Variants in TRIM6 observed in about 807,000 individuals in gnomAD.
The protein encoded by TRIM6 is tripartite motif containing 6, also known as tripartite motif-containing protein 6.
In TRIM6, 43 loss-of-function variants were observed where a neutral mutation model predicts 51.2. The ratio of observed to expected loss-of-function variants is 0.84; its 90% CI spans 0.66 to 1.08. The LOEUF (loss-of-function observed/expected upper bound fraction) is 1.08. Ranked by LOEUF, TRIM6 falls within the 50% of genes least tolerant of loss-of-function variation. The pLI is 0.00. For synonymous variants in TRIM6, 215 were observed against 232.4 expected (o/e 0.93, Z 0.68); for missense variants, 669 against 619.0 (o/e 1.08, Z -0.86).
Position 5,610,561 on chromosome 11 carries a change from G to A in TRIM6, c.985G>A (p.Val329Ile), listed in dbSNP as rs777575623. The change falls in exon 7 of 8, where the codon GTT (valine) becomes ATT (isoleucine). Residue 329 changes from valine to isoleucine, a missense_variant and splice_region_variant. By Grantham distance (29) the Val-to-Ile change is conservative. Transcript: ENST00000380097. ...GCTGACAGATGTCCAAAGCTACTGG[G>A]GTAAGTAGAAGCCATGGCCTCTTTG... ...RELTDVQSYW[V>I]DVTLNPHTAN... is the part of the protein sequence containing the mutation. The A allele has an allele frequency of 6.2e-7, 1 of 1,613,128 alleles. No homozygotes were observed. The highest frequency in any genetic ancestry group is 8.5e-7 in the Non-Finnish European group (1 of 1,179,512).
At chr11:5,608,129 C>A (rs80031403) in intron 4 of TRIM6, among the ~76,000 whole-genome samples, 4,799 of 152,298 alleles carry the variant, frequency 0.032, 115 homozygotes, top group Middle Eastern at 0.13. Flanking sequence ...ACATTACACA[C>A]ACATATGCAC....
chr11:5,603,467 G>C lies in TRIM6; in HGVS notation c.239G>C (p.Gly80Ala). ...AGGGAATCAGTGATTGGTCAAGAAG[G>C]GGAAAGAAGCTGCCCTGTGTGCCAG... ...NGRESVIGQE[G>A]ERSCPVCQTS... Residue 80 changes from glycine (G) to alanine (A), a missense_variant, in exon 2 of 8, where the codon GGG becomes GCG. By Grantham distance (60) the Gly-to-Ala change is moderately conservative (BLOSUM62 0). Transcript: ENST00000380097. 2 of 1,614,148 alleles carry C rather than the reference G, an allele frequency of 1.2e-6. No individual in the cohort carries two copies. The highest frequency in any genetic ancestry group is 1.1e-5 in the South Asian group (1 of 91,078).
rs1445993930 is a variant in TRIM6, at chr11:5,611,571, A to C, written c.*229A>C. 1 of 454,554 alleles carries C rather than the reference A, an allele frequency of 2.2e-6. No individual in the cohort carries two copies. Among genetic ancestry groups the C allele is most frequent in the African/African-American group, 2.0e-5 (1 of 50,908 alleles). 28.2% of individuals were successfully genotyped at this position (454,554 alleles called of 1,614,324 possible). The stretch of plus-strand genomic sequence containing the variant: ...TGGGTTCAAGCGAACCTCCTGCCTC[A>C]GCATCCCAAGTAGCTGGGATTACAG... On this transcript the variant is annotated 3_prime_UTR_variant, in exon 8 of 8. Transcript: ENST00000380097.
intron 1 of TRIM6, among the ~76,000 whole-genome samples, chr11:5,601,619 A>G (rs375498452): frequency 6.6e-6 from 1 of 152,236 alleles, no homozygotes; most frequent in African/African-American, 2.4e-5. Flanking sequence ...TTAGCTGGGC[A>G]TGGTGGCGCT....
rs1364256046 is a variant in TRIM6 at position 5,610,512 on chromosome 11, A to G, written c.959-23A>G. ...GAGACAGTTGGTCCTATTCAACATT[A>G]TTGACTCTTTTCATCATTACAGAGC... On this transcript the variant is annotated intron_variant, in intron 6 of 7. Transcript: ENST00000380097. 5 of 1,614,002 alleles carry G rather than the reference A, an allele frequency of 3.1e-6. No individual in the cohort carries two copies. In the African/African-American group the frequency reaches 4.0e-5, roughly 13 times the overall value.
In TRIM6 at chr11:5,602,032, C is replaced by T. The variant is rs549490468; in HGVS notation, c.18-1214C>T. ...CATCCAAAGTTGAGGACCTATATGT[C>T]AGGCTCTATGCTAGCTGCCGAAGAT... On this transcript the variant is annotated intron_variant, in intron 1 of 7. Transcript: ENST00000380097. 1.8e-4 allele frequency among the ~76,000 whole-genome samples: 27 copies of T among 152,272 alleles called. 1 individual carries two copies. Among genetic ancestry groups the T allele is most frequent in the South Asian group, 1.0e-3 (5 of 4,826 alleles).
In TRIM6 at chr11:5,596,745, C is replaced by A. The variant is rs919881139; in HGVS notation, c.-153C>A. The A allele has an allele frequency of 5.8e-6, 7 of 1,199,036 alleles. No individual in the cohort carries two copies. Among genetic ancestry groups the A allele is most frequent in the African/African-American group, 4.6e-5 (3 of 65,608 alleles). 74.3% of individuals were successfully genotyped at this position (1,199,036 alleles called of 1,614,324 possible). On this transcript the variant is annotated 5_prime_UTR_variant, in exon 1 of 8. Transcript: ENST00000380097. The stretch of plus-strand genomic sequence containing the variant: ...ATCCCCTGCCTTTCTCGGAACGGAA[C>A]GGAGCAGAGTCGTGCGTGGTTGAGT...
At position 5,608,338 on chromosome 11, in the gene TRIM6, A is replaced by C. The variant is rs753975402; in HGVS notation, c.835-34A>C. 1.1e-5 allele frequency: 17 copies of C among 1,612,354 alleles called. No homozygotes were observed. The South Asian group carries it at 1.9e-4, about 18-fold the overall frequency. On this transcript the variant is annotated intron_variant, in intron 4 of 7. Transcript: ENST00000380097. ...AATGTGGATAAGGGCATGACCTGTT[A>C]CTCCTTGACTTAACCTGTCTTTTTC... is the stretch of plus-strand genomic sequence containing the variant.
chr11:5,596,522 C>CCCCCCTTCCCCCGTTCTCCCCTT (rs1847461532), upstream of TRIM6: 2 of 29,278 alleles, frequency 6.8e-5, no homozygotes, highest in African/African-American at 2.1e-4. Context: ...TTCTCCCCTT[C>CCCCCCTTCCCCCGTTCTCCCCTT]CCCCCTTCCC....
At chr11:5,604,236 A>G (rs1848065035) in intron 2 of TRIM6, among the ~76,000 whole-genome samples, 1 of 151,374 alleles carries the variant, frequency 6.6e-6, no homozygotes, top group Non-Finnish European at 1.5e-5. Flanking sequence ...CTGATCTCAA[A>G]CTCCTGAGCT....
At position 5,604,518 on chromosome 11, in the gene TRIM6, A is replaced by G. The variant is rs1848086059; in HGVS notation, c.508-16A>G. On this transcript the variant is annotated splice_polypyrimidine_tract_variant and intron_variant, in intron 2 of 7. Transcript: ENST00000380097. ...TGAAGGCTTGATCCTGCTTGACCTG[A>G]TTTGTTTTCTTCAAGGAGAAGTTTC... is the stretch of plus-strand genomic sequence containing the variant. 3 of 1,607,220 alleles carry G rather than the reference A, an allele frequency of 1.9e-6. No individual in the cohort carries two copies. The highest frequency in any genetic ancestry group is 2.5e-6 in the Non-Finnish European group (3 of 1,177,148).
rs1371091829 is a variant in TRIM6 at position 5,605,567 on chromosome 11, G to A, written c.834G>A (p.Gln278=). Residue 278 remains glutamine (Q), a splice_region_variant and synonymous_variant, in exon 4 of 8, where the codon CAG becomes CAA. Transcript: ENST00000380097. Reference sequence around the variant, plus strand: ...AGGGGTCAACAATGGAGCTGCTGCAGGTAAGGCTTGTGAAGGAGCCCAGAT... The same window carrying A: ...AGGGGTCAACAATGGAGCTGCTGCAAGTAAGGCTTGTGAAGGAGCCCAGAT... ...RCQGSTMELL[Q]DVSDVTERSE... is the part of the protein sequence containing the mutation. 1 of 1,612,414 alleles carries A rather than the reference G, an allele frequency of 6.2e-7. No individual in the cohort carries two copies. The highest frequency in any genetic ancestry group is 8.5e-7 in the Non-Finnish European group (1 of 1,179,510).
chr11:5,609,910 G>A (rs12288184), intron 5 of TRIM6, among the ~76,000 whole-genome samples: 16 of 151,816 alleles, frequency 1.1e-4, no homozygotes, highest in African/African-American at 3.1e-4. Context: ...GTGACAGAGC[G>A]AGACTCCTTC....
At chr11:5,597,087 T>C (rs1030622160) in intron 1 of TRIM6, among the ~76,000 whole-genome samples, 173 bp downstream of exon 1, 1 of 151,938 alleles carries the variant, frequency 6.6e-6, no homozygotes, top group Non-Finnish European at 1.5e-5. Flanking sequence ...AGTCAGTCAA[T>C]AGAGACAGAA....
upstream of TRIM6, chr11:5,596,268 G>T (rs1237188974): frequency 1.3e-5 from 2 of 153,376 alleles, no homozygotes; most frequent in East Asian, 3.9e-4. Context: ...CGGGTTGGGG[G>T]TGGTTCACGG....
rs144062462 is a variant in TRIM6, at chr11:5,602,374, C to T, written c.18-872C>T. On this transcript the variant is annotated intron_variant, in intron 1 of 7. Coordinates refer to ENST00000380097, the MANE Select transcript of TRIM6 (RefSeq NM_001003818.3). ...AGGAGAATGGCTTGAACCCAGGAGG[C>T]GGAGCTTGCAGTGAGTCGAGATCAC... Among the ~76,000 whole-genome samples the T allele has an allele frequency of 7.1e-3, 1,079 of 151,846 alleles. 17 individuals are homozygous for T. The highest frequency in any genetic ancestry group is 0.024 in the African/African-American group (1,001 of 41,444).
intron 1 of TRIM6, among the ~76,000 whole-genome samples, chr11:5,602,285 CA>C (rs201507741): frequency 6.0e-5 from 9 of 151,210 alleles, no homozygotes; most frequent in South Asian, 2.1e-4. Context: ...CTAAAAAATA[CA>C]AAAAAAATTA....
Position 5,603,250 on chromosome 11 carries a change from C to A in TRIM6, c.22C>A (p.Leu8Ile), listed in dbSNP as rs775956128. Reference sequence around the variant, plus strand: ...TTTGTTTGTTCATCTACCTAGGATTCTACAGGCAGGAAACATCTTAGAAAT... The same window carrying A: ...TTTGTTTGTTCATCTACCTAGGATTATACAGGCAGGAAACATCTTAGAAAT... MCGSERI[L>I]QAGNILEIRV... The change falls in exon 2 of 8, where the codon CTA (leucine) becomes ATA (isoleucine). Residue 8 changes from leucine to isoleucine, a missense_variant. Leu to Ile is a conservative substitution (Grantham distance 5). Transcript: ENST00000380097. The A allele has an allele frequency of 6.2e-6, 10 of 1,613,150 alleles. No homozygotes were observed. In the South Asian group the frequency reaches 1.1e-4, roughly 18 times the overall value.
rs990767940 is a variant in TRIM6 at position 5,596,685 on chromosome 11, C to A, written c.-213C>A. On this transcript the variant is annotated 5_prime_UTR_variant, in exon 1 of 8. Coordinates refer to ENST00000380097, the MANE Select transcript of TRIM6 (RefSeq NM_001003818.3). ...TCCGCAAACTCCTGACCTGTGGGTCCGTCCGTTCAACGGCCAAAGGCTGGC... is the reference window on the plus strand; with the variant it reads ...TCCGCAAACTCCTGACCTGTGGGTCAGTCCGTTCAACGGCCAAAGGCTGGC... 1 of 684,654 alleles carries A rather than the reference C, an allele frequency of 1.5e-6. No homozygotes were observed. Among genetic ancestry groups the A allele is most frequent in the East Asian group, 2.9e-5 (1 of 34,740 alleles). The allele number at this position is 684,654 out of a possible 1,614,324, so 42.4% of individuals were successfully genotyped here. A position where few individuals can be genotyped will look rare whatever the true frequency, so the allele number is the denominator to read the frequency against.
Sources: allele counts gnomAD v4.1 joint callset (sites outside exome capture counted in the v4.1 genomes callset), GRCh38; gene constraint gnomAD v4.1.1; transcripts MANE v1.5; gene names NCBI Gene and HGNC (gene_info 2026-07-23, HGNC 2026-07-21).